STXBP4: variants seen among roughly 807,000 people sequenced by gnomAD.
The protein encoded by STXBP4 is syntaxin binding protein 4, also known as syntaxin-binding protein 4.
Under a neutral mutation model 76.1 loss-of-function variants are expected in STXBP4, and 55 were observed. That is an observed-to-expected ratio of 0.72 (90% CI 0.58 to 0.91). The LOEUF (loss-of-function observed/expected upper bound fraction) is 0.91. STXBP4 is among the 40% of genes least tolerant of loss of function. The pLI is 0.00. For missense variants in STXBP4, 618 were observed against 636.9 expected, an observed-to-expected ratio of 0.97 and a Z score of 0.32; for synonymous variants, 201 against 220.2, an observed-to-expected ratio of 0.91 and a Z score of 0.77.
At position 55,167,287 on chromosome 17, in the gene STXBP4, C is replaced by G. The variant is rs1203916748; in HGVS notation, c.*7376C>G. On this transcript the variant is annotated 3_prime_UTR_variant, in exon 18 of 18. Transcript: ENST00000376352. ...TTTTTATTTCTCATGCAAGACATGA[C>G]ACAGTAAAATCTAATAAAAGTTTAC... The G allele has an allele frequency of 1.3e-5, 2 of 152,120 alleles. No individual in the cohort carries two copies. The highest frequency in any genetic ancestry group is 4.8e-5 in the African/African-American group (2 of 41,428). The allele number at this position is 152,120 out of a possible 1,614,324, so 9.4% of individuals were successfully genotyped here. A position where few individuals can be genotyped will look rare whatever the true frequency, so the allele number is the denominator to read the frequency against.
At chr17:55,123,908 A>AG (rs1410455943) in intron 16 of STXBP4, among the ~76,000 whole-genome samples, 8 of 152,160 alleles carry the variant, frequency 5.3e-5, no homozygotes, top group African/African-American at 1.9e-4. Flanking sequence ...CAAAAAAAAA[A>AG]AAGAAGATAA....
At chr17:55,141,468 G>A in intron 17 of STXBP4, 101 bp downstream of exon 17, 2 of 985,366 alleles carry the variant, frequency 2.0e-6, no homozygotes, top group South Asian at 1.9e-5. Flanking sequence ...CTTCTTGGAG[G>A]TTACAAAAAT....
chr17:55,058,322 C>T (rs2078957033), intron 12 of STXBP4, among the ~76,000 whole-genome samples: 1 of 152,096 alleles, frequency 6.6e-6, no homozygotes, highest in African/African-American at 2.4e-5. Context: ...GAGCTTTTTT[C>T]ATATGTTTCT....
intron 1 of STXBP4, among the ~76,000 whole-genome samples, chr17:54,981,091 G>A (rs972371149): frequency 1.3e-5 from 2 of 152,076 alleles, no homozygotes; most frequent in Admixed American, 6.6e-5. Context: ...CACAAAAGAA[G>A]ATTTGAACAA....
chr17:55,013,577 G>A (rs1598203757), intron 8 of STXBP4, among the ~76,000 whole-genome samples: 1 of 152,346 alleles, frequency 6.6e-6, no homozygotes, highest in East Asian at 1.9e-4. Context: ...TTAGTCCTAA[G>A]TATTTAACCT....
intron 7 of STXBP4, among the ~76,000 whole-genome samples, chr17:55,003,727 A>G (rs1229475196): frequency 6.6e-6 from 1 of 152,246 alleles, no homozygotes; most frequent in East Asian, 1.9e-4. Context: ...TAAAATCCAC[A>G]TAATATTTAA....
intron 9 of STXBP4, among the ~76,000 whole-genome samples, chr17:55,033,485 T>C (rs1475598923): frequency 6.6e-6 from 1 of 152,150 alleles, no homozygotes; most frequent in African/African-American, 2.4e-5. Context: ...AAGTAGGATA[T>C]TGTAAAACAG....
chr17:55,150,028 G>C (rs1004207356), intron 17 of STXBP4, among the ~76,000 whole-genome samples: 1 of 152,078 alleles, frequency 6.6e-6, no homozygotes, highest in African/African-American at 2.4e-5. Flanking sequence ...GTTTCATAAA[G>C]TACTTTGAAA....
chr17:55,026,413 T>C (rs985686759), intron 8 of STXBP4, among the ~76,000 whole-genome samples: 2 of 152,082 alleles, frequency 1.3e-5, no homozygotes, highest in Non-Finnish European at 2.9e-5. Flanking sequence ...AAATAGTGTA[T>C]AGATATTCAC....
chr17:55,140,867 C>G (rs1251248241), intron 16 of STXBP4, among the ~76,000 whole-genome samples: 2 of 152,162 alleles, frequency 1.3e-5, no homozygotes, highest in Non-Finnish European at 2.9e-5. Context: ...TTTCAAACCC[C>G]TGCTGATCTG....
chr17:55,075,039 T>C (rs754639111), intron 13 of STXBP4, among the ~76,000 whole-genome samples: 2 of 151,974 alleles, frequency 1.3e-5, no homozygotes, highest in Non-Finnish European at 2.9e-5. Flanking sequence ...TTTATGTTAT[T>C]TATTTATTTA....
chr17:55,031,095 T>C, intron 8 of STXBP4, 73 bp from the exon 9 acceptor site: 1 of 1,163,372 alleles, frequency 8.6e-7, no homozygotes, highest in South Asian at 1.3e-5. Flanking sequence ...CCCTGGGTTG[T>C]AAAGTTTGTA....
At chr17:55,029,556 G>A (rs937721877) in intron 8 of STXBP4, among the ~76,000 whole-genome samples, 1 of 150,716 alleles carries the variant, frequency 6.6e-6, no homozygotes. Flanking sequence ...AAATACAGAA[G>A]CTAAAAATCA....
At chr17:55,009,944 T>G (rs2078077330) in intron 8 of STXBP4, among the ~76,000 whole-genome samples, 1 of 152,016 alleles carries the variant, frequency 6.6e-6, no homozygotes, top group African/African-American at 2.4e-5. Flanking sequence ...TCCTTCTCTT[T>G]TGGTTGCTAC....
rs150343568 is a variant in STXBP4 at position 55,131,147 on chromosome 17, G to C, written c.1490-10163G>C. ...TACATTCCCACCAACAGTGTACAAG[G>C]ATTCTTTTTTCTCTGCATTCTCACC... On this transcript the variant is annotated intron_variant, in intron 16 of 17. Coordinates refer to ENST00000376352, the MANE Select transcript of STXBP4 (RefSeq NM_178509.6). Among the ~76,000 whole-genome samples the C allele has an allele frequency of 4.6e-5, 7 of 152,256 alleles. No homozygotes were observed. In the East Asian group the frequency reaches 1.4e-3, roughly 29 times the overall value.
chr17:55,183,837 G>T, the STXBP4 span, among the ~76,000 whole-genome samples: 2 of 152,052 alleles, frequency 1.3e-5, no homozygotes, highest in African/African-American at 4.8e-5. Context: ...AGGTAGCTGT[G>T]GCAATTATAC....
chr17:55,031,699 G>T (rs1446236548), intron 9 of STXBP4, among the ~76,000 whole-genome samples: 1 of 151,954 alleles, frequency 6.6e-6, no homozygotes, highest in Non-Finnish European at 1.5e-5. Context: ...ATTGTTTCCC[G>T]GACCCCTGCA....
the STXBP4 span, among the ~76,000 whole-genome samples, chr17:55,205,125 A>G: frequency 1.3e-5 from 2 of 152,154 alleles, no homozygotes; most frequent in Admixed American, 1.3e-4. Flanking sequence ...TAAATGCAAG[A>G]GAATAGCCAA....
At chr17:55,072,662 T>C (rs1361498644) in intron 12 of STXBP4, among the ~76,000 whole-genome samples, 2 of 152,182 alleles carry the variant, frequency 1.3e-5, no homozygotes, top group South Asian at 4.1e-4. Context: ...CAAAATGTTA[T>C]GCTAGGTATA....
Sources: allele counts gnomAD v4.1 joint callset (sites outside exome capture counted in the v4.1 genomes callset), GRCh38; gene constraint gnomAD v4.1.1; transcripts MANE v1.5; gene names NCBI Gene and HGNC (gene_info 2026-07-23, HGNC 2026-07-21).